Variants in RORA observed in about 807,000 individuals in gnomAD.
RORA encodes the protein nuclear receptor ROR-alpha.
A neutral mutation model predicts 69.5 loss-of-function variants in RORA; 7 were observed. The observed-to-expected ratio is 0.10, with a 90% CI of 0.06 to 0.19. The LOEUF is 0.19. Ranked by LOEUF, RORA falls within the 10% of genes least tolerant of loss-of-function variation. The pLI is 1.00. For synonymous variants in RORA, 261 were observed against 240.8 expected (o/e 1.08, Z -0.78); for missense variants, 457 against 663.0 (o/e 0.69, Z 3.41).
chr15:60,670,112 C>T (rs939787604), intron 2 of RORA, among the ~76,000 whole-genome samples: 1 of 152,082 alleles, frequency 6.6e-6, no homozygotes. Flanking sequence ...TTTCCTTCCC[C>T]TTTCCTCTAA....
intron 2 of RORA, among the ~76,000 whole-genome samples, chr15:60,614,515 G>A (rs2069177688): frequency 6.6e-6 from 1 of 152,152 alleles, no homozygotes. Context: ...CATTCATAGG[G>A]CGCATTGATG....
At chr15:60,593,854 C>G (rs1293022837) in intron 2 of RORA, among the ~76,000 whole-genome samples, 1 of 152,150 alleles carries the variant, frequency 6.6e-6, no homozygotes, top group African/African-American at 2.4e-5. Context: ...GTGAGTTGCT[C>G]TTGCCCCTGA....
intron 1 of RORA, among the ~76,000 whole-genome samples, chr15:60,947,906 T>C (rs1212377296): frequency 2.0e-5 from 3 of 152,028 alleles, no homozygotes; most frequent in Admixed American, 6.6e-5. Flanking sequence ...GGGCAGCTAT[T>C]TGTGGGCATC....
intron 1 of RORA, among the ~76,000 whole-genome samples, chr15:61,049,155 G>A (rs1012108650): frequency 2.0e-5 from 3 of 152,154 alleles, no homozygotes; most frequent in Non-Finnish European, 4.4e-5. Context: ...CAATTCTCTT[G>A]TTGTCGTCAA....
At chr15:60,568,944 TAAA>T (rs34688193) in intron 2 of RORA, among the ~76,000 whole-genome samples, 7,806 of 137,460 alleles carry the variant, frequency 0.057, 248 homozygotes, top group Middle Eastern at 0.091. Context: ...GGTTTTGCGC[TAAA>T]AAAAAAAAAA....
intron 1 of RORA, among the ~76,000 whole-genome samples, chr15:60,976,387 A>G (rs182276630): frequency 6.6e-6 from 1 of 152,358 alleles, no homozygotes; most frequent in Admixed American, 6.5e-5. Context: ...ACAATCCTGT[A>G]TAAAATGAGG....
At chr15:61,175,869 A>T (rs1406426170) in intron 1 of RORA, among the ~76,000 whole-genome samples, 1 of 152,138 alleles carries the variant, frequency 6.6e-6, no homozygotes, top group Non-Finnish European at 1.5e-5. Flanking sequence ...TTTATTTCTT[A>T]ATCTCATAAG....
At chr15:60,592,340 C>G (rs1158166381) in intron 2 of RORA, 6 of 1,346,514 alleles carry the variant, frequency 4.5e-6, no homozygotes, top group Non-Finnish European at 5.8e-6. Flanking sequence ...CTCCCCGCCC[C>G]CCGGAGCCGC....
intron 2 of RORA, among the ~76,000 whole-genome samples, chr15:60,550,002 TA>T (rs544792902): frequency 5.7e-4 from 87 of 152,276 alleles, no homozygotes; most frequent in Middle Eastern, 3.4e-3. Flanking sequence ...GAAAAAAGTG[TA>T]GAAGAGGGGC....
chr15:60,514,856 T>TGGA (rs1461549346), intron 3 of RORA, 99 bp from the exon 4 acceptor site: 37 of 857,190 alleles, frequency 4.3e-5, no homozygotes, highest in Non-Finnish European at 6.4e-5. Flanking sequence ...TAATATTTAA[T>TGGA]GGAGAATTAA....
chr15:60,566,002 C>T (rs1435140428), intron 2 of RORA, among the ~76,000 whole-genome samples: 3 of 152,168 alleles, frequency 2.0e-5, no homozygotes, highest in Non-Finnish European at 4.4e-5. Context: ...AAGTTAATAA[C>T]AGAGACCTAT....
chr15:60,864,293 A>AT (rs1273828746), intron 1 of RORA, among the ~76,000 whole-genome samples: 3 of 152,230 alleles, frequency 2.0e-5, no homozygotes, highest in Non-Finnish European at 4.4e-5. Flanking sequence ...AACTTATGAT[A>AT]TGTTATTGAG....
intron 1 of RORA, among the ~76,000 whole-genome samples, chr15:60,957,048 G>T (rs1252340612): frequency 6.6e-6 from 1 of 152,220 alleles, no homozygotes; most frequent in Non-Finnish European, 1.5e-5. Flanking sequence ...GCACTAGGTA[G>T]TCCATTCATT....
intron 1 of RORA, among the ~76,000 whole-genome samples, chr15:60,777,998 A>G (rs191577637): frequency 4.9e-4 from 74 of 152,334 alleles, no homozygotes; most frequent in African/African-American, 1.6e-3. Flanking sequence ...TGTTTAATCC[A>G]ATAGTCAATA....
At chr15:60,879,003 G>A (rs2073649770) in intron 1 of RORA, among the ~76,000 whole-genome samples, 1 of 152,192 alleles carries the variant, frequency 6.6e-6, no homozygotes, top group South Asian at 2.1e-4. Flanking sequence ...GACAGGATCT[G>A]AAGACCTCCA....
chr15:61,088,015 G>A (rs1247365771), intron 1 of RORA, among the ~76,000 whole-genome samples: 1 of 152,250 alleles, frequency 6.6e-6, no homozygotes, highest in African/African-American at 2.4e-5. Flanking sequence ...ATGCTACACA[G>A]TTTGAAACCC....
intron 1 of RORA, among the ~76,000 whole-genome samples, chr15:61,102,613 T>C (rs78554876): frequency 0.019 from 2,861 of 152,292 alleles, 100 homozygotes; most frequent in African/African-American, 0.066. Flanking sequence ...GGAGAACTGA[T>C]CCAAATTCCT....
chr15:60,977,748 A>G (rs1334760318), intron 1 of RORA, among the ~76,000 whole-genome samples: 1 of 152,164 alleles, frequency 6.6e-6, no homozygotes, highest in Non-Finnish European at 1.5e-5. Context: ...CTCTTAGCAT[A>G]ATGCTTTGAA....
At position 61,144,581 on chromosome 15, in the gene RORA, A is replaced by G. The variant is rs56217572; in HGVS notation, c.166+84472T>C. On this transcript the variant is annotated intron_variant, in intron 1 of 10. Transcript: ENST00000335670. ...CCATATACAAAAAGATGCTCACTCC[A>G]TTCATAACAAAATGTAAATCAAAAC... 6.3e-3 allele frequency among the ~76,000 whole-genome samples: 965 copies of G among 152,364 alleles called. 9 individuals carry two copies. The highest frequency in any genetic ancestry group is 0.022 in the African/African-American group (916 of 41,582).
Sources: allele counts gnomAD v4.1 joint callset (sites outside exome capture counted in the v4.1 genomes callset), GRCh38; gene constraint gnomAD v4.1.1; transcripts MANE v1.5; gene names NCBI Gene and HGNC (gene_info 2026-07-23, HGNC 2026-07-21).